The following FER variants were observed in gnomAD, a reference collection of about 807,000 sequenced individuals.
FER encodes tyrosine-protein kinase Fer.
In FER, 63 loss-of-function variants were observed where a neutral mutation model predicts 111.0. The ratio of observed to expected loss-of-function variants is 0.57; its 90% CI spans 0.46 to 0.70. The LOEUF is 0.70. Ranked by LOEUF, FER falls within the 30% of genes least tolerant of loss-of-function variation. FER has a pLI of 0.00. For synonymous variants in FER, 327 were observed against 313.9 expected (o/e 1.04, Z -0.44); for missense variants, 914 against 954.0 (o/e 0.96, Z 0.55).
chr5:108,776,093 C>G (rs1013409163), intron 2 of FER, among the ~76,000 whole-genome samples: 3 of 152,176 alleles, frequency 2.0e-5, no homozygotes, highest in Middle Eastern at 3.4e-3. Context: ...CAAACATATT[C>G]TGATAATATA....
intron 9 of FER, among the ~76,000 whole-genome samples, chr5:108,894,059 T>A (rs10079165): frequency 6.6e-6 from 1 of 150,880 alleles, no homozygotes; most frequent in African/African-American, 2.4e-5. Flanking sequence ...ATGCTGCCCC[T>A]GAAAGACCTA....
intron 17 of FER, among the ~76,000 whole-genome samples, chr5:109,101,211 C>T (rs751677951): frequency 6.6e-6 from 1 of 151,794 alleles, no homozygotes; most frequent in Non-Finnish European, 1.5e-5. Context: ...CATGTCAGAT[C>T]CTAAATATGG....
At chr5:108,995,309 CA>C (rs1174754649) in intron 13 of FER, among the ~76,000 whole-genome samples, 3 of 151,874 alleles carry the variant, frequency 2.0e-5, no homozygotes, top group Non-Finnish European at 4.4e-5. Flanking sequence ...GGTACATGTG[CA>C]GAACATGCAG....
intron 13 of FER, among the ~76,000 whole-genome samples, chr5:109,033,031 G>T (rs1769862759): frequency 6.6e-6 from 1 of 152,168 alleles, no homozygotes; most frequent in South Asian, 2.1e-4. Flanking sequence ...GCAAGCAAAT[G>T]AAATGTTAAA....
chr5:108,787,799 A>T (rs1027295021), intron 2 of FER, among the ~76,000 whole-genome samples: 7 of 152,072 alleles, frequency 4.6e-5, no homozygotes, highest in Admixed American at 4.6e-4. Flanking sequence ...TGAGTTGGGC[A>T]CACATTGGGA....
intron 5 of FER, among the ~76,000 whole-genome samples, chr5:108,848,631 T>C (rs1239317850): frequency 6.6e-6 from 1 of 152,082 alleles, no homozygotes; most frequent in Admixed American, 6.5e-5. Context: ...ATTATTGTGA[T>C]ATATTTTATA....
In FER at chr5:109,180,867, C is replaced by T; in HGVS notation, c.2169C>T (p.Pro723=). 1 of 1,612,838 alleles carries T rather than the reference C, an allele frequency of 6.2e-7. No homozygotes were observed. Reference sequence around the variant, plus strand: ...CATCTTCTGGCTTAAAGCAGATTCCCATTAAATGGACAGCACCGGAAGCTC... The same window carrying T: ...CATCTTCTGGCTTAAAGCAGATTCCTATTAAATGGACAGCACCGGAAGCTC... The part of the protein sequence containing the change: ...VYSSSGLKQI[P]IKWTAPEALN... Residue 723 remains proline, a synonymous_variant, in exon 18 of 20, where the codon CCC becomes CCT. Coordinates refer to ENST00000281092, the MANE Select transcript of FER (RefSeq NM_005246.4).
chr5:109,013,153 T>C (rs573883767), intron 13 of FER, among the ~76,000 whole-genome samples: 2 of 151,622 alleles, frequency 1.3e-5, no homozygotes, highest in Admixed American at 1.3e-4. Context: ...TATGTATACA[T>C]GTGCCATGCT....
In FER at chr5:108,826,139, G is replaced by C. The variant is rs567028703; in HGVS notation, c.208-6631G>C. Among the ~76,000 whole-genome samples the C allele has an allele frequency of 3.6e-4, 55 of 152,194 alleles. No homozygotes were observed. In the South Asian group the frequency reaches 5.2e-3, roughly 14 times the overall value. ...TCCTTGAGAATTTTTATCATGAAAG[G>C]ATGTTGAATTTTGCCCAATACTCTT... is the stretch of plus-strand genomic sequence containing the variant. On this transcript the variant is annotated intron_variant, in intron 3 of 19. Transcript: ENST00000281092.
At chr5:108,842,115 T>G (rs1171977790) in intron 5 of FER, 1 of 174,736 alleles carries the variant, frequency 5.7e-6, no homozygotes, top group Middle Eastern at 2.7e-3. Context: ...TGATGTGATA[T>G]CTGAGGTTTG....
intron 8 of FER, among the ~76,000 whole-genome samples, chr5:108,876,790 A>G (rs915897639): frequency 6.6e-6 from 1 of 152,202 alleles, no homozygotes; most frequent in South Asian, 2.1e-4. Context: ...GTGAACATTT[A>G]TAGTTGATTT....
At chr5:108,828,949 A>G (rs1220872469) in intron 3 of FER, among the ~76,000 whole-genome samples, 2 of 152,178 alleles carry the variant, frequency 1.3e-5, no homozygotes, top group African/African-American at 4.8e-5. Context: ...TTAAAAAAAG[A>G]AAAAGAATTA....
At chr5:109,063,762 T>G (rs776410712) in intron 16 of FER, among the ~76,000 whole-genome samples, 2 of 152,242 alleles carry the variant, frequency 1.3e-5, no homozygotes, top group Non-Finnish European at 2.9e-5. Context: ...TATTTTGTGT[T>G]GTTTGAAGAT....
intron 7 of FER, 115 bp from the exon 8 acceptor site, chr5:108,871,978 T>G (rs958221282): frequency 9.2e-7 from 1 of 1,084,846 alleles, no homozygotes; most frequent in African/African-American, 1.6e-5. Context: ...ACTATTTGTG[T>G]TTTCTTTGTT....
At chr5:108,771,071 G>C (rs1752846751) in intron 2 of FER, among the ~76,000 whole-genome samples, 1 of 151,886 alleles carries the variant, frequency 6.6e-6, no homozygotes, top group African/African-American at 2.4e-5. Context: ...GAGTAGCTGG[G>C]ATTACAGATG....
chr5:108,922,261 T>A (rs147507458), intron 10 of FER, among the ~76,000 whole-genome samples: 1,800 of 152,330 alleles, frequency 0.012, 18 homozygotes, highest in Non-Finnish European at 0.02. Context: ...AGTCACCCGA[T>A]TTCTGGTACT....
At chr5:108,882,006 TG>T (rs1765725869) in intron 8 of FER, among the ~76,000 whole-genome samples, 1 of 152,154 alleles carries the variant, frequency 6.6e-6, no homozygotes, top group African/African-American at 2.4e-5. Flanking sequence ...AATTTAAAAT[TG>T]TATCTTAGAA....
chr5:109,080,069 AG>A (rs1776817633), intron 16 of FER, among the ~76,000 whole-genome samples: 2 of 138,612 alleles, frequency 1.4e-5, no homozygotes, highest in South Asian at 5.0e-4. Context: ...AAATGAATAA[AG>A]TGTATCTAGA....
rs1234412208 is a variant in FER, at chr5:108,766,132, A to G, written c.-205-1961A>G. 3.3e-5 allele frequency among the ~76,000 whole-genome samples: 5 copies of G among 152,136 alleles called. No individual in the cohort carries two copies. The South Asian group carries it at 1.0e-3, about 32-fold the overall frequency. On this transcript the variant is annotated intron_variant, in intron 1 of 19. Transcript: ENST00000281092. ...TTTTTTGTAGAGACGGGCTCTCACT[A>G]TGTTGTCCAGGAGGGTTTGGAACTC...
Sources: gnomAD v4.1 joint callset for allele counts (sites outside exome capture counted in the v4.1 genomes callset) on GRCh38, gnomAD v4.1.1 for gene constraint, MANE v1.5 for transcripts, NCBI Gene and HGNC (gene_info 2026-07-23, HGNC 2026-07-21) for gene names.